AMMECR1: variants seen among roughly 807,000 people sequenced by gnomAD.
The protein encoded by AMMECR1 is AMMECR nuclear protein 1.
AMMECR1 carries 3 observed loss-of-function variants against 22.5 expected under a neutral mutation model. The observed-to-expected ratio is 0.13, with a 90% confidence interval of 0.06 to 0.35. The LOEUF (loss-of-function observed/expected upper bound fraction) is 0.35, where lower values mean the gene tolerates loss of function less well. AMMECR1 is among the 10% of genes least tolerant of loss of function. AMMECR1 has a pLI of 1.00. For missense variants in AMMECR1, 235 were observed against 278.7 expected (o/e 0.84, Z 1.12); for synonymous variants, 130 against 116.7 (o/e 1.11, Z -0.74).
chrX:110,401,753 A>C (rs1379980342), intron 2 of AMMECR1, among the ~76,000 whole-genome samples: 2 of 111,983 alleles, frequency 1.8e-5, no homozygotes, highest in African/African-American at 3.3e-5. Flanking sequence ...TCCCACAGTT[A>C]ATCTCAGTGA....
chrX:110,386,739 G>T (rs2068458043), intron 2 of AMMECR1, among the ~76,000 whole-genome samples: 1 of 111,816 alleles, frequency 8.9e-6, no homozygotes, highest in South Asian at 3.8e-4. Flanking sequence ...ATCACCTGAT[G>T]CACCCTATGG....
chrX:110,234,809 C>T (rs2067591437), intron 2 of AMMECR1, among the ~76,000 whole-genome samples: 1 of 111,791 alleles, frequency 8.9e-6, no homozygotes. Context: ...CCCTTCCTTA[C>T]ACCTTATACA....
chrX:110,232,873 G>C (rs758852764), intron 2 of AMMECR1, among the ~76,000 whole-genome samples: 2 of 73,486 alleles, frequency 2.7e-5, no homozygotes, highest in East Asian at 1.0e-3. Flanking sequence ...CTGGGTGACA[G>C]AGCCAGACTC....
chrX:110,330,422 G>T (rs1569408632), intron 2 of AMMECR1, among the ~76,000 whole-genome samples: 1 of 111,537 alleles, frequency 9.0e-6, no homozygotes, highest in African/African-American at 3.3e-5. Context: ...GTGTGGTCAT[G>T]GACCCCTTCC....
chrX:110,400,039 A>G (rs2068553530), intron 2 of AMMECR1, among the ~76,000 whole-genome samples: 1 of 110,308 alleles, frequency 9.1e-6, no homozygotes, highest in African/African-American at 3.3e-5. Context: ...GGGACATGTT[A>G]TGTGTGTGGC....
chrX:110,375,078 A>G (rs1374647652), intron 2 of AMMECR1, among the ~76,000 whole-genome samples: 1 of 111,749 alleles, frequency 8.9e-6, no homozygotes, highest in East Asian at 2.8e-4. Context: ...TATAGCAAGT[A>G]GGCAAGCTTA....
intron 5 of AMMECR1, among the ~76,000 whole-genome samples, chrX:110,198,931 C>T (rs1211569877): frequency 3.6e-5 from 4 of 111,442 alleles, no homozygotes; most frequent in African/African-American, 9.8e-5. Context: ...GCATCTCATT[C>T]GATTCAGTTG....
intron 2 of AMMECR1, among the ~76,000 whole-genome samples, chrX:110,398,382 C>T (rs955665140): frequency 8.9e-6 from 1 of 112,409 alleles, no homozygotes; most frequent in Non-Finnish European, 1.9e-5. Context: ...CATTTACTCT[C>T]CACAACTCCT....
intron 2 of AMMECR1, among the ~76,000 whole-genome samples, chrX:110,366,240 G>A (rs1180989375): frequency 8.9e-6 from 1 of 111,964 alleles, no homozygotes; most frequent in Admixed American, 9.5e-5. Context: ...GATGTTGATA[G>A]TATTACATAA....
intron 1 of AMMECR1, among the ~76,000 whole-genome samples, chrX:110,265,311 T>C (rs1046157422): frequency 9.0e-6 from 1 of 111,385 alleles, no homozygotes; most frequent in African/African-American, 3.3e-5. Context: ...TCTAGAAAAA[T>C]CAGTAGGGTT....
intron 2 of AMMECR1, among the ~76,000 whole-genome samples, 189 bp downstream of exon 2, chrX:110,264,300 T>C (rs1378499256): frequency 2.7e-5 from 3 of 111,334 alleles, no homozygotes; most frequent in Non-Finnish European, 5.7e-5. Context: ...CAGTATTTTA[T>C]ATTATGGTAA....
chrX:110,367,185 A>C (rs2068302741), intron 2 of AMMECR1, among the ~76,000 whole-genome samples: 1 of 111,786 alleles, frequency 8.9e-6, no homozygotes, highest in African/African-American at 3.3e-5. Context: ...CATGGCATCA[A>C]TTTTTCTTTC....
chrX:110,215,428 C>T lies in AMMECR1; in HGVS notation c.699+1090G>A, dbSNP rs755018912. Among the ~76,000 whole-genome samples the T allele has an allele frequency of 4.5e-5, 5 of 111,780 alleles. No homozygotes were observed. The East Asian group carries it at 1.4e-3, about 31-fold the overall frequency. The stretch of plus-strand genomic sequence containing the variant: ...GTGGAGTAAGTAAATTGTTCAAAGT[C>T]TCACAAGGAATCAGGGCAAAGCCAA... On this transcript the variant is annotated intron_variant, in intron 3 of 5. Transcript: ENST00000262844.
intron 1 of AMMECR1, among the ~76,000 whole-genome samples, chrX:110,279,165 T>TA (rs973155390): frequency 3.6e-5 from 4 of 111,950 alleles, no homozygotes; most frequent in African/African-American, 1.3e-4. Context: ...TTAGATTGAT[T>TA]AAAAAAATGC....
chrX:110,317,832 G>A lies in AMMECR1; in HGVS notation c.240C>T (p.Gly80=), dbSNP rs767349195. 9.2e-7 allele frequency: 1 copy of A among 1,082,764 alleles called. No homozygotes were observed. The highest frequency in any genetic ancestry group is 2.4e-5 in the South Asian group (1 of 41,602). 89.2% of individuals were successfully genotyped at this position (1,082,764 alleles called of 1,213,427 possible). A position where few individuals can be genotyped will look rare whatever the true frequency, so the allele number is the denominator to read the frequency against. The change falls in exon 1 of 6, where the codon GGC becomes GGT. Residue 80 remains glycine (G), a synonymous_variant. Transcript: ENST00000262844. ...GAGGTGGCGACAGGGCGATCCCCCC[G>A]CCGCCGCCGCCGCAGCCCTGGGGGG... ...LSPPQGCGGG[G]GGIALSPPPS...
chrX:110,364,890 A>C (rs1366487921), intron 2 of AMMECR1, among the ~76,000 whole-genome samples: 1 of 112,185 alleles, frequency 8.9e-6, no homozygotes, highest in Non-Finnish European at 1.9e-5. Flanking sequence ...CTGTAGTGCC[A>C]ACTATATTTG....
chrX:110,398,125 G>A (rs2068540720), intron 2 of AMMECR1, among the ~76,000 whole-genome samples: 1 of 112,107 alleles, frequency 8.9e-6, no homozygotes, highest in Non-Finnish European at 1.9e-5. Flanking sequence ...CTGGCAATGT[G>A]TGATGCATTC....
intron 2 of AMMECR1, among the ~76,000 whole-genome samples, chrX:110,412,438 A>G (rs769252234): frequency 8.9e-6 from 1 of 112,570 alleles, no homozygotes; most frequent in South Asian, 3.7e-4. Context: ...CTAATGATTA[A>G]GAGTTTGAGC....
intron 2 of AMMECR1, among the ~76,000 whole-genome samples, chrX:110,393,920 C>A (rs1420720562): frequency 8.9e-6 from 1 of 112,143 alleles, no homozygotes; most frequent in African/African-American, 3.2e-5. Context: ...AAAATGAAAA[C>A]TCGTAAAGTA....
Sources: allele counts gnomAD v4.1 joint callset (sites outside exome capture counted in the v4.1 genomes callset), GRCh38; gene constraint gnomAD v4.1.1; transcripts MANE v1.5; gene names NCBI Gene and HGNC (gene_info 2026-07-23, HGNC 2026-07-21).